The following OSBPL2 variants were observed in gnomAD, a reference collection of about 807,000 sequenced individuals.
OSBPL2 encodes oxysterol binding protein like 2.
Under a neutral mutation model 58.4 loss-of-function variants are expected in OSBPL2, and 18 were observed. That is an observed-to-expected ratio of 0.31 (90% CI 0.21 to 0.46). The LOEUF (loss-of-function observed/expected upper bound fraction) is 0.46, where lower values mean the gene tolerates loss of function less well. Ranked by LOEUF, OSBPL2 falls within the 20% of genes least tolerant of loss-of-function variation. OSBPL2 has a pLI of 1.00. For missense variants in OSBPL2, 461 were observed against 616.5 expected, an observed-to-expected ratio of 0.75 and a Z score of 2.67; for synonymous variants, 221 against 234.1, an observed-to-expected ratio of 0.94 and a Z score of 0.51.
chr20:62,261,240 C>T lies in OSBPL2; in HGVS notation c.182+1115C>T, dbSNP rs1456139612. Among the ~76,000 whole-genome samples, 6 of 145,014 alleles carry T rather than the reference C, an allele frequency of 4.1e-5. No individual in the cohort carries two copies. The South Asian group carries it at 6.7e-4, about 16-fold the overall frequency. ...CTGAGGCAGGGGAATCACTTGAACCCGGGAGGCAGAGGTTACAGTGAGCCG... is the reference window on the plus strand; with the variant it reads ...CTGAGGCAGGGGAATCACTTGAACCTGGGAGGCAGAGGTTACAGTGAGCCG... On this transcript the variant is annotated intron_variant, in intron 3 of 13. Transcript: ENST00000313733.
chr20:62,293,577 A>C (rs1983663244), intron 13 of OSBPL2, among the ~76,000 whole-genome samples: 1 of 152,226 alleles, frequency 6.6e-6, no homozygotes, highest in Non-Finnish European at 1.5e-5. Flanking sequence ...TGAAATTGAC[A>C]CGGGTGGCTG....
chr20:62,271,226 G>A (rs913875765), intron 4 of OSBPL2, among the ~76,000 whole-genome samples: 1 of 147,218 alleles, frequency 6.8e-6, no homozygotes, highest in Admixed American at 6.9e-5. Context: ...CGTCCCCTTG[G>A]CACCTTCCCA....
At chr20:62,279,846 C>A in intron 7 of OSBPL2, 1 of 627,128 alleles carries the variant, frequency 1.6e-6, no homozygotes, top group Non-Finnish European at 2.0e-6. Flanking sequence ...GGGGAGAGAG[C>A]TGAGAAGGAA....
intron 2 of OSBPL2, among the ~76,000 whole-genome samples, chr20:62,256,628 T>C (rs1980939981): frequency 6.6e-6 from 1 of 152,206 alleles, no homozygotes; most frequent in Non-Finnish European, 1.5e-5. Context: ...CAGTTATTTT[T>C]TTCTTTCGCA....
intron 9 of OSBPL2, among the ~76,000 whole-genome samples, chr20:62,283,697 C>T (rs575128783): frequency 1.1e-4 from 17 of 152,044 alleles, no homozygotes; most frequent in Non-Finnish European, 2.2e-4. Flanking sequence ...TGCCCCTTCC[C>T]GTCTCCTGCA....
chr20:62,249,801 C>T (rs536756155), intron 1 of OSBPL2, among the ~76,000 whole-genome samples: 6 of 152,110 alleles, frequency 3.9e-5, no homozygotes, highest in Non-Finnish European at 5.9e-5. Flanking sequence ...TCTGAACTCC[C>T]GACCTCAGGT....
intron 6 of OSBPL2, among the ~76,000 whole-genome samples, chr20:62,275,682 A>C (rs1030756268): frequency 6.6e-6 from 1 of 152,188 alleles, no homozygotes; most frequent in South Asian, 2.1e-4. Context: ...TCCTGAGCTC[A>C]AGTGATCTGC....
Position 62,291,716 on chromosome 20 carries a change from G to A in OSBPL2, c.1263G>A (p.Gln421=). ...CTTGGATCCTAGATCTGGCCAGCCA[G>A]GAGAAGGAGCGGCTGGAGGAGAAGC... ...MENGNMDLAS[Q]EKERLEEKQR... Residue 421 remains glutamine, a synonymous_variant, in exon 13 of 14, where the codon CAG becomes CAA. Coordinates refer to ENST00000313733, the MANE Select transcript of OSBPL2 (RefSeq NM_144498.4). 6.2e-7 allele frequency: 1 copy of A among 1,613,780 alleles called. No individual in the cohort carries two copies. The highest frequency in any genetic ancestry group is 8.5e-7 in the Non-Finnish European group (1 of 1,180,000).
At chr20:62,251,334 A>G (rs1282033698) in intron 1 of OSBPL2, among the ~76,000 whole-genome samples, 1 of 150,314 alleles carries the variant, frequency 6.7e-6, no homozygotes, top group Admixed American at 6.6e-5. Flanking sequence ...GATTACAGAC[A>G]GGCGTGAGCC....
In OSBPL2 at chr20:62,280,932, G is replaced by A. The variant is rs1381687464; in HGVS notation, c.675-126G>A. The stretch of plus-strand genomic sequence containing the variant: ...CAGCCTCCGTCGCAGGGGCTTCAAA[G>A]CAGCGTGCTGCTCTCCCGCGGGTGC... On this transcript the variant is annotated intron_variant, in intron 7 of 13. Coordinates refer to ENST00000313733, the MANE Select transcript of OSBPL2 (RefSeq NM_144498.4). 4 of 699,766 alleles carry A rather than the reference G, an allele frequency of 5.7e-6. No homozygotes were observed. In the East Asian group the frequency reaches 1.0e-4, roughly 17 times the overall value. 43.3% of individuals were successfully genotyped at this position (699,766 alleles called of 1,614,324 possible).
intron 7 of OSBPL2, chr20:62,280,148 C>T: frequency 7.7e-7 from 1 of 1,295,568 alleles, no homozygotes; most frequent in Non-Finnish European, 1.0e-6. Flanking sequence ...CCACTGCCTG[C>T]AGTCTTGTTG....
rs143858748 is a variant in OSBPL2 at position 62,289,309 on chromosome 20, G to T, written c.1228G>T (p.Gly410Cys). 6.2e-7 allele frequency: 1 copy of T among 1,612,852 alleles called. No homozygotes were observed. The highest frequency in any genetic ancestry group is 1.1e-5 in the South Asian group (1 of 90,746). ...CTGCCGCCTGCGCCCTGACATCCGC[G>T]GCATGGAGAATGGCAACATGGGTGC... Reference protein sequence around the residue: ...TDCRLRPDIRGMENGNMDLAS... With the variant: ...TDCRLRPDIRCMENGNMDLAS... Residue 410 changes from glycine to cysteine, a missense_variant, in exon 12 of 14, where the codon GGC becomes TGC. Physicochemically the swap from Gly to Cys is radical, Grantham distance 159. This residue lies in a region of OSBPL2 where 319 missense variants were observed against 419.2 expected (regional missense o/e 0.76). Coordinates refer to ENST00000313733, the MANE Select transcript of OSBPL2 (RefSeq NM_144498.4).
chr20:62,283,800 A>G (rs1982937594), intron 9 of OSBPL2, among the ~76,000 whole-genome samples: 1 of 151,422 alleles, frequency 6.6e-6, no homozygotes, highest in Admixed American at 6.6e-5. Flanking sequence ...GTCCCTTCCC[A>G]TCTCCTGCAG....
In OSBPL2 at chr20:62,286,759, C is replaced by A. The variant is rs749255447; in HGVS notation, c.1125+48C>A. Reference sequence around the variant, plus strand: ...ACGTCTCTGCCTGCTCATGTCACACCCACCTCTGGGCCCAGCCCCACGGCT... The same window carrying A: ...ACGTCTCTGCCTGCTCATGTCACACACACCTCTGGGCCCAGCCCCACGGCT... On this transcript the variant is annotated intron_variant, in intron 11 of 13. Coordinates refer to ENST00000313733, the MANE Select transcript of OSBPL2 (RefSeq NM_144498.4). 5 of 1,579,016 alleles carry A rather than the reference C, an allele frequency of 3.2e-6. No individual in the cohort carries two copies. In the Admixed American group the frequency reaches 6.8e-5, roughly 21 times the overall value.
chr20:62,253,256 G>A (rs1444013533), intron 1 of OSBPL2, among the ~76,000 whole-genome samples: 2 of 152,222 alleles, frequency 1.3e-5, no homozygotes, highest in African/African-American at 4.8e-5. Flanking sequence ...GTTACCTGGC[G>A]ACAGTGGCAC....
At position 62,296,122 on chromosome 20, in the gene OSBPL2, T is replaced by C. The variant is rs1402197842; in HGVS notation, c.*2235T>C. 2 of 152,256 alleles carry C rather than the reference T, an allele frequency of 1.3e-5. No individual in the cohort carries two copies. The highest frequency in any genetic ancestry group is 1.3e-4 in the Admixed American group (2 of 15,288). The allele number at this position is 152,256 out of a possible 1,614,324, so 9.4% of individuals were successfully genotyped here. A position where few individuals can be genotyped will look rare whatever the true frequency, so the allele number is the denominator to read the frequency against. ...GCTAACACATAAACCATGACCTAAC[T>C]TTTGTCACCTTGGATATCTATTGAA... On this transcript the variant is annotated 3_prime_UTR_variant, in exon 14 of 14. Transcript: ENST00000313733.
rs577873060 is a variant in OSBPL2, at chr20:62,291,584, G to A, written c.1250-119G>A. The A allele has an allele frequency of 1.5e-5, 13 of 859,938 alleles. No individual in the cohort carries two copies. In the African/African-American group the frequency reaches 2.0e-4, roughly 13 times the overall value. The allele number at this position is 859,938 out of a possible 1,614,324, so 53.3% of individuals were successfully genotyped here. A position where few individuals can be genotyped will look rare whatever the true frequency, so the allele number is the denominator to read the frequency against. The stretch of plus-strand genomic sequence containing the variant: ...GTTTGGTCTCCCGATCACAGAACCT[G>A]TTGTCTGTGGCATTCCAGCCACAGT... On this transcript the variant is annotated intron_variant, in intron 12 of 13. Transcript: ENST00000313733.
Position 62,268,031 on chromosome 20 carries a change from T to C in OSBPL2, c.259-4094T>C, listed in dbSNP as rs573604181. On this transcript the variant is annotated intron_variant, in intron 4 of 13. Coordinates refer to ENST00000313733, the MANE Select transcript of OSBPL2 (RefSeq NM_144498.4). ...CTGAGTAGCTGGGACTACAGGCGCC[T>C]GCCACCGTGCCCGGCTAATTTTTTT... Among the ~76,000 whole-genome samples, 314 of 150,546 alleles carry C rather than the reference T, an allele frequency of 2.1e-3. 1 individual carries two copies. The highest frequency in any genetic ancestry group is 6.6e-3 in the African/African-American group (271 of 41,080).
intron 1 of OSBPL2, among the ~76,000 whole-genome samples, chr20:62,241,253 C>T (rs536825771): frequency 1.3e-5 from 2 of 151,990 alleles, no homozygotes; most frequent in African/African-American, 2.4e-5. Flanking sequence ...TCACTGCAAA[C>T]GCGAACTCAG....
Sources: gnomAD v4.1 joint callset for allele counts (sites outside exome capture counted in the v4.1 genomes callset) on GRCh38, gnomAD v4.1.1 for gene constraint, gnomAD v4.1.1 regional missense constraint, MANE v1.5 for transcripts, NCBI Gene and HGNC (gene_info 2026-07-23, HGNC 2026-07-21) for gene names.